Variants in KHDRBS1 observed in about 807,000 individuals in gnomAD.
KHDRBS1 encodes KH domain-containing, RNA-binding, signal transduction-associated protein 1.
In KHDRBS1, 7 loss-of-function variants were observed where a neutral mutation model predicts 48.4. The observed-to-expected ratio is 0.14, with a 90% CI of 0.08 to 0.27. The LOEUF (loss-of-function observed/expected upper bound fraction) is 0.27, where lower values mean the gene tolerates loss of function less well. Among genes scored for constraint, KHDRBS1 ranks in the 10% least tolerant of loss-of-function variants. The pLI is 1.00. For synonymous variants in KHDRBS1, 241 were observed against 235.8 expected (o/e 1.02, Z -0.20); for missense variants, 458 against 601.2 (o/e 0.76, Z 2.49).
intron 10 of KHDRBS1, among the ~76,000 whole-genome samples, chr1:32,050,020 C>T (rs1159294318): frequency 6.6e-6 from 1 of 152,146 alleles, no homozygotes; most frequent in Non-Finnish European, 1.5e-5. Context: ...ACCATTCCTA[C>T]CAGCAACATA....
chr1:32,030,575 G>T (rs1320709505), intron 2 of KHDRBS1, among the ~76,000 whole-genome samples, 153 bp downstream of exon 2: 1 of 152,114 alleles, frequency 6.6e-6, no homozygotes, highest in Non-Finnish European at 1.5e-5. Flanking sequence ...ACTGAGAGTT[G>T]AAATATCTAA....
intron 10 of KHDRBS1, among the ~76,000 whole-genome samples, chr1:32,055,427 G>A (rs887541741): frequency 5.3e-5 from 8 of 152,056 alleles, no homozygotes; most frequent in African/African-American, 1.4e-4. Flanking sequence ...CAGCCTGGGC[G>A]ACAAGAATAA....
intron 4 of KHDRBS1, 75 bp from the exon 5 acceptor site, chr1:32,036,835 T>A: frequency 6.8e-7 from 1 of 1,465,048 alleles, no homozygotes; most frequent in Non-Finnish European, 9.2e-7. Flanking sequence ...AGAATTCAAG[T>A]CTCCCGTGGA....
chr1:32,051,159 A>G lies in KHDRBS1; in HGVS notation n.1301+5769A>G, dbSNP rs572948585. 1.4e-3 allele frequency among the ~76,000 whole-genome samples: 213 copies of G among 152,300 alleles called. 1 individual carries two copies. Among genetic ancestry groups the G allele is most frequent in the African/African-American group, 4.9e-3 (204 of 41,582 alleles). On this transcript the variant is annotated intron_variant and non_coding_transcript_variant, in intron 10 of 10. Transcript: ENST00000484270. Reference sequence around the variant, plus strand: ...GTGATCCGCCCGCATCAGCCTCCCAAAGTGCTGGGATTACAGGCGTGAGCC... The same window carrying G: ...GTGATCCGCCCGCATCAGCCTCCCAGAGTGCTGGGATTACAGGCGTGAGCC...
intron 1 of KHDRBS1, among the ~76,000 whole-genome samples, chr1:32,026,900 T>C (rs1638982921): frequency 6.6e-6 from 1 of 152,168 alleles, no homozygotes; most frequent in African/African-American, 2.4e-5. Context: ...GTTCCAGCGA[T>C]TCTCCTCCCT....
chr1:32,014,046 T>G lies in KHDRBS1; in HGVS notation c.51T>G (p.Arg17=). 2.4e-5 allele frequency: 37 copies of G among 1,519,108 alleles called. 1 individual carries two copies. The highest frequency in any genetic ancestry group is 3.2e-5 in the Non-Finnish European group (37 of 1,144,378). 94.1% of individuals were successfully genotyped at this position (1,519,108 alleles called of 1,614,324 possible). ...PAARMSRSSG[R]SGSMDPSGAH... ...CGCGCATGAGCCGGTCTTCGGGCCG[T>G]AGCGGCTCCATGGACCCCTCCGGTG... is the stretch of plus-strand genomic sequence containing the variant. Residue 17 remains arginine (R), a synonymous_variant, in exon 1 of 9, where the codon CGT becomes CGG. Coordinates refer to ENST00000327300, the MANE Select transcript of KHDRBS1 (RefSeq NM_006559.3).
intron 1 of KHDRBS1, among the ~76,000 whole-genome samples, chr1:32,021,902 C>G (rs978062515): frequency 1.3e-5 from 2 of 151,864 alleles, no homozygotes; most frequent in Admixed American, 6.6e-5. Flanking sequence ...CTGCCTGCCT[C>G]AGCCTCCCAA....
At chr1:32,060,846 AGTG>A (rs1312779358) in exon 11 of KHDRBS1, 1 of 152,222 alleles carries the variant, frequency 6.6e-6, no homozygotes, top group Non-Finnish European at 1.5e-5. Context: ...GGTTTGGTCA[AGTG>A]ATGAATGGTC....
Position 32,030,338 on chromosome 1 carries a change from TGAG to T in KHDRBS1, c.427_429del (p.Glu143del), listed in dbSNP as rs1179505360. 2 of 1,611,344 alleles carry T rather than the reference TGAG, an allele frequency of 1.2e-6. No homozygotes were observed. The highest frequency in any genetic ancestry group is 1.7e-5 in the Admixed American group (1 of 59,846). Reference sequence around the variant, plus strand: ...AGAAAGGAGACTCAAAAAAGGATGATGAGGAGAATTACTTGGATTTATTTTCTC... The same window carrying T: ...AGAAAGGAGACTCAAAAAAGGATGATGAGAATTACTTGGATTTATTTTCTC... On this transcript the variant is annotated inframe_deletion, in exon 2 of 9. Transcript: ENST00000327300.
At chr1:32,021,879 G>C (rs1638864290) in intron 1 of KHDRBS1, among the ~76,000 whole-genome samples, 1 of 151,966 alleles carries the variant, frequency 6.6e-6, no homozygotes, top group Admixed American at 6.6e-5. Context: ...TTGAACTTCT[G>C]ACCTCAGGTT....
intron 1 of KHDRBS1, among the ~76,000 whole-genome samples, chr1:32,022,116 C>T (rs1021662989): frequency 2.1e-4 from 32 of 152,082 alleles, no homozygotes; most frequent in Admixed American, 1.8e-3. Flanking sequence ...TACAGGAGCG[C>T]GCCACCACGC....
chr1:32,033,635 G>A (rs1639121938), intron 4 of KHDRBS1, among the ~76,000 whole-genome samples: 1 of 152,166 alleles, frequency 6.6e-6, no homozygotes, highest in African/African-American at 2.4e-5. Context: ...GTTTAACAGG[G>A]TCTTCACCTA....
intron 8 of KHDRBS1, among the ~76,000 whole-genome samples, chr1:32,041,904 C>T (rs1639289014): frequency 6.6e-6 from 1 of 152,066 alleles, no homozygotes. Context: ...TTATCTTAAA[C>T]AGTGCTGTCA....
chr1:32,040,845 A>G (rs2124388780), intron 8 of KHDRBS1, among the ~76,000 whole-genome samples: 1 of 152,326 alleles, frequency 6.6e-6, no homozygotes, highest in Admixed American at 6.5e-5. Flanking sequence ...AGGGCCTCCC[A>G]GAGACAGACA....
At chr1:32,048,896 C>A (rs1198505350) in intron 10 of KHDRBS1, among the ~76,000 whole-genome samples, 2 of 152,030 alleles carry the variant, frequency 1.3e-5, no homozygotes, top group African/African-American at 2.4e-5. Flanking sequence ...GGCTACTACT[C>A]TGCTTTCTGT....
intron 8 of KHDRBS1, among the ~76,000 whole-genome samples, chr1:32,040,139 C>T (rs886164870): frequency 3.3e-5 from 5 of 151,980 alleles, no homozygotes; most frequent in African/African-American, 1.2e-4. Context: ...TAGGGCCGGG[C>T]GTGGTGGCTC....
intron 1 of KHDRBS1, among the ~76,000 whole-genome samples, chr1:32,028,207 G>C (rs1044963452): frequency 6.6e-5 from 10 of 152,058 alleles, no homozygotes; most frequent in African/African-American, 2.4e-4. Context: ...CAAGCCAATG[G>C]TTTTCAAAGT....
At chr1:32,046,686 C>T (rs911286704), downstream of KHDRBS1, among the ~76,000 whole-genome samples, 7 of 152,146 alleles carry the variant, frequency 4.6e-5, no homozygotes, top group African/African-American at 9.7e-5. Context: ...TTTCTCTGCT[C>T]TGAGGTGTTA....
intron 3 of KHDRBS1, among the ~76,000 whole-genome samples, chr1:32,032,130 A>G (rs989661510): frequency 5.9e-5 from 9 of 152,222 alleles, no homozygotes; most frequent in Admixed American, 3.3e-4. Flanking sequence ...AAAAGGAACC[A>G]TGAGTAATCC....
Sources: allele counts gnomAD v4.1 joint callset (sites outside exome capture counted in the v4.1 genomes callset), GRCh38; gene constraint gnomAD v4.1.1; transcripts MANE v1.5; gene names NCBI Gene and HGNC (gene_info 2026-07-23, HGNC 2026-07-21).